The following GUCY2C variants were observed in gnomAD, a reference collection of about 807,000 sequenced individuals.
The protein encoded by GUCY2C is guanylyl cyclase C.
In GUCY2C, 118 loss-of-function variants were observed where a neutral mutation model predicts 131.1. That is an observed-to-expected ratio of 0.90 (90% CI 0.78 to 1.05). GUCY2C has a LOEUF of 1.05. Among genes scored for constraint, GUCY2C ranks in the 50% least tolerant of loss-of-function variants. The pLI is 0.00. For synonymous variants in GUCY2C, 452 were observed against 457.8 expected (o/e 0.99, Z 0.16); for missense variants, 1,161 against 1,304.4 (o/e 0.89, Z 1.69).
intron 24 of GUCY2C, among the ~76,000 whole-genome samples, chr12:14,617,352 C>G (rs1156361516): frequency 6.6e-6 from 1 of 152,118 alleles, no homozygotes; most frequent in South Asian, 2.1e-4. Flanking sequence ...GTTTTCAGGG[C>G]CCTGCGTGAT....
chr12:14,619,375 T>C, intron 23 of GUCY2C, 66 bp from the exon 24 acceptor site: 1 of 955,758 alleles, frequency 1.0e-6, no homozygotes, highest in Admixed American at 1.7e-5. Flanking sequence ...TGAAGACAGG[T>C]AAGCCTCTCT....
At chr12:14,686,056 G>A in intron 3 of GUCY2C, 105 bp downstream of exon 3, 1 of 708,422 alleles carries the variant, frequency 1.4e-6, no homozygotes, top group Non-Finnish European at 2.5e-6. Context: ...CAAAATACTA[G>A]ACCTCAACAC....
chr12:14,674,815 G>A (rs1475181764), intron 7 of GUCY2C, 55 bp from the exon 8 acceptor site: 4 of 1,391,282 alleles, frequency 2.9e-6, no homozygotes, highest in African/African-American at 1.4e-5. Context: ...ATCTTGTCTT[G>A]AGCCTAGAAC....
rs1215858674 is a variant in GUCY2C at position 14,686,243 on chromosome 12, A to G, written c.331-18T>C. ...TGTGCATTCTGTAGGAGAGAAAACA[A>G]CAATGAATTCCTAGAACTAAGAAAA... On this transcript the variant is annotated intron_variant, in intron 2 of 26. Coordinates refer to ENST00000261170, the MANE Select transcript of GUCY2C (RefSeq NM_004963.4). The G allele has an allele frequency of 1.9e-6, 3 of 1,567,450 alleles. No homozygotes were observed. The highest frequency in any genetic ancestry group is 4.5e-5 in the East Asian group (2 of 44,586).
intron 13 of GUCY2C, among the ~76,000 whole-genome samples, chr12:14,652,617 G>A (rs572947267): frequency 6.6e-6 from 1 of 152,312 alleles, no homozygotes; most frequent in South Asian, 2.1e-4. Context: ...AAGATGCAAA[G>A]CTCTCATATG....
At chr12:14,639,782 A>C in intron 19 of GUCY2C, 80 bp downstream of exon 19, 2 of 918,340 alleles carry the variant, frequency 2.2e-6, no homozygotes, top group South Asian at 1.4e-5. Flanking sequence ...TAAGTGAATA[A>C]ATTTTTGTTG....
intron 25 of GUCY2C, among the ~76,000 whole-genome samples, chr12:14,616,082 A>G (rs1174830400): frequency 6.6e-6 from 1 of 152,124 alleles, no homozygotes; most frequent in Non-Finnish European, 1.5e-5. Context: ...AAAAATATAG[A>G]TTTCTGATCT....
chr12:14,629,065 G>A (rs956842331), intron 19 of GUCY2C, among the ~76,000 whole-genome samples: 1 of 152,142 alleles, frequency 6.6e-6, no homozygotes, highest in African/African-American at 2.4e-5. Flanking sequence ...AGGTGTGGCA[G>A]GCCTCCATAA....
intron 19 of GUCY2C, among the ~76,000 whole-genome samples, chr12:14,630,448 G>A (rs937814274): frequency 2.0e-5 from 3 of 152,086 alleles, no homozygotes; most frequent in Non-Finnish European, 4.4e-5. Context: ...AATGGAAAAT[G>A]TTTGGAAAAA....
intron 10 of GUCY2C, among the ~76,000 whole-genome samples, chr12:14,668,336 A>G (rs1948028588): frequency 6.6e-6 from 1 of 151,950 alleles, no homozygotes; most frequent in East Asian, 1.9e-4. Flanking sequence ...ATGCCCAGCT[A>G]ATTTTTGTAT....
intron 9 of GUCY2C, among the ~76,000 whole-genome samples, chr12:14,670,632 C>T (rs2137070102): frequency 6.6e-6 from 1 of 151,798 alleles, no homozygotes; most frequent in East Asian, 2.0e-4. Context: ...ACCGGTCTTT[C>T]CCCTGCTATT....
In GUCY2C at chr12:14,645,287, G is replaced by A. The variant is rs1396377743; in HGVS notation, c.1739C>T (p.Pro580Leu). ...CTCCCAATCCATGAATGTGCCATCAGGGTAGGAAATTGTGTCATTTAAAAC... is the reference window on the plus strand; with the variant it reads ...CTCCCAATCCATGAATGTGCCATCAAGGTAGGAAATTGTGTCATTTAAAAC... The part of the protein sequence containing the change: ...REVLNDTISY[P>L]DGTFMDWEFK... Residue 580 changes from proline (P) to leucine (L), a missense_variant, in exon 16 of 27, where the codon CCT becomes CTT. Pro to Leu is a moderately conservative substitution (Grantham distance 98). Coordinates refer to ENST00000261170, the MANE Select transcript of GUCY2C (RefSeq NM_004963.4). 4 of 1,596,010 alleles carry A rather than the reference G, an allele frequency of 2.5e-6. No homozygotes were observed. The highest frequency in any genetic ancestry group is 3.4e-6 in the Non-Finnish European group (4 of 1,164,312).
At chr12:14,641,952 A>C (rs1947414086) in intron 17 of GUCY2C, among the ~76,000 whole-genome samples, 1 of 151,910 alleles carries the variant, frequency 6.6e-6, no homozygotes, top group Non-Finnish European at 1.5e-5. Context: ...AAAAAATACA[A>C]ATTTTATGTG....
rs1947392295 is a variant in GUCY2C at position 14,641,071 on chromosome 12, T to A, written c.2068+11A>T. 6.2e-7 allele frequency: 1 copy of A among 1,612,546 alleles called. No homozygotes were observed. On this transcript the variant is annotated intron_variant, in intron 18 of 26. Coordinates refer to ENST00000261170, the MANE Select transcript of GUCY2C (RefSeq NM_004963.4). The stretch of plus-strand genomic sequence containing the variant: ...CTCCCAGAGGGGACACATGAATGGG[T>A]TTAGATGTACCATTCCGGTCCCGAC...
chr12:14,656,455 T>G, intron 12 of GUCY2C, 57 bp downstream of exon 12: 1 of 852,750 alleles, frequency 1.2e-6, no homozygotes, highest in Non-Finnish European at 2.0e-6. Flanking sequence ...GCTACTTAAG[T>G]CTTGTCAAAT....
At chr12:14,666,734 CCAAAAAAAAAAAAA>C (rs1176067434) in intron 10 of GUCY2C, among the ~76,000 whole-genome samples, 561 of 17,328 alleles carry the variant, frequency 0.032, 9 homozygotes, top group African/African-American at 0.082. Flanking sequence ...GACAATGTCT[CCAAAAAAAAAAAAA>C]AAGAGTAAGA....
intron 15 of GUCY2C, among the ~76,000 whole-genome samples, chr12:14,650,171 T>G (rs1380633352): frequency 3.3e-5 from 5 of 152,218 alleles, no homozygotes; most frequent in Non-Finnish European, 5.9e-5. Flanking sequence ...GATTGATATT[T>G]AATAGTTTCC....
intron 8 of GUCY2C, among the ~76,000 whole-genome samples, chr12:14,673,991 A>C (rs551932587): frequency 1.3e-5 from 2 of 152,328 alleles, no homozygotes; most frequent in East Asian, 3.9e-4. Context: ...CAGTAAAACA[A>C]AGGTTTCATA....
At chr12:14,616,912 A>C (rs573388797) in intron 24 of GUCY2C, among the ~76,000 whole-genome samples, 185 bp from the exon 25 acceptor site, 3 of 152,276 alleles carry the variant, frequency 2.0e-5, no homozygotes, top group African/African-American at 7.2e-5. Flanking sequence ...TAGTTTGGAT[A>C]TTTGTCCCCA....
Sources: allele counts gnomAD v4.1 joint callset (sites outside exome capture counted in the v4.1 genomes callset), GRCh38; gene constraint gnomAD v4.1.1; transcripts MANE v1.5; gene names NCBI Gene and HGNC (gene_info 2026-07-23, HGNC 2026-07-21).